The following POU2F1 variants were observed in gnomAD, a reference collection of about 807,000 sequenced individuals.
The protein encoded by POU2F1 is POU class 2 homeobox 1.
POU2F1 carries 16 observed loss-of-function variants against 84.9 expected under a neutral mutation model. That is an observed-to-expected ratio of 0.19 (90% CI 0.13 to 0.29). The LOEUF (loss-of-function observed/expected upper bound fraction) is 0.29. Ranked by LOEUF, POU2F1 falls within the 10% of genes least tolerant of loss-of-function variation. The pLI is 1.00. For missense variants in POU2F1, 738 were observed against 942.6 expected, an observed-to-expected ratio of 0.78 and a Z score of 2.84; for synonymous variants, 368 against 368.3, an observed-to-expected ratio of 1.00 and a Z score of 0.01.
At chr1:167,341,989 C>A (rs1557909037) in intron 2 of POU2F1, among the ~76,000 whole-genome samples, 2 of 152,176 alleles carry the variant, frequency 1.3e-5, no homozygotes, top group East Asian at 3.9e-4. Flanking sequence ...TTCAGACATT[C>A]CTTCTCTTCT....
intron 1 of POU2F1, among the ~76,000 whole-genome samples, chr1:167,299,713 T>TTTTTTTTTG: frequency 6.6e-6 from 1 of 152,174 alleles, no homozygotes; most frequent in African/African-American, 2.4e-5. Flanking sequence ...TTTTTCATTT[T>TTTTTTTTTG]ATTTTGCTGC....
chr1:167,325,542 A>G (rs1656639761), intron 1 of POU2F1, among the ~76,000 whole-genome samples: 1 of 152,168 alleles, frequency 6.6e-6, no homozygotes, highest in African/African-American at 2.4e-5. Context: ...CCTCAATTTC[A>G]TTTCTAATGA....
intron 2 of POU2F1, among the ~76,000 whole-genome samples, chr1:167,340,043 C>G: frequency 6.6e-6 from 1 of 152,168 alleles, no homozygotes; most frequent in East Asian, 1.9e-4. Context: ...GGTTCAGTCA[C>G]TTGATGAAGG....
At chr1:167,232,678 A>G (rs1482129816) in intron 1 of POU2F1, among the ~76,000 whole-genome samples, 2 of 152,112 alleles carry the variant, frequency 1.3e-5, no homozygotes, top group Admixed American at 6.6e-5. Flanking sequence ...CCCCATCTCT[A>G]CTAAAGATAC....
intron 1 of POU2F1, among the ~76,000 whole-genome samples, chr1:167,267,186 A>G (rs1045355184): frequency 1.3e-5 from 2 of 152,010 alleles, no homozygotes; most frequent in African/African-American, 4.8e-5. Context: ...AGAGCTATCA[A>G]ATATATTAAA....
chr1:167,229,414 A>G (rs2102336148), intron 1 of POU2F1, among the ~76,000 whole-genome samples: 1 of 152,256 alleles, frequency 6.6e-6, no homozygotes, highest in South Asian at 2.1e-4. Flanking sequence ...CCTTGTGAAA[A>G]TTGAAAATTT....
chr1:167,403,227 A>G (rs551063226), intron 13 of POU2F1, among the ~76,000 whole-genome samples: 2 of 152,316 alleles, frequency 1.3e-5, no homozygotes, highest in Admixed American at 6.5e-5. Context: ...AATCACAAGT[A>G]CCATTTTTAT....
intron 5 of POU2F1, 57 bp downstream of exon 5, chr1:167,372,093 G>A: frequency 6.4e-7 from 1 of 1,568,112 alleles, no homozygotes; most frequent in Non-Finnish European, 8.7e-7. Context: ...ACTGCCATTG[G>A]CCAATAGCTG....
chr1:167,383,615 A>C (rs1241602408), intron 7 of POU2F1: 1 of 326,068 alleles, frequency 3.1e-6, no homozygotes, highest in African/African-American at 2.2e-5. Flanking sequence ...TTGACCTATC[A>C]CAGAGCTTAT....
At chr1:167,249,425 G>T (rs1650565913) in intron 1 of POU2F1, among the ~76,000 whole-genome samples, 1 of 152,136 alleles carries the variant, frequency 6.6e-6, no homozygotes, top group Non-Finnish European at 1.5e-5. Flanking sequence ...CCTTCTTTTT[G>T]TTTTTCTAAT....
intron 7 of POU2F1, among the ~76,000 whole-genome samples, chr1:167,382,832 A>G (rs565758755): frequency 2.6e-5 from 4 of 152,322 alleles, no homozygotes; most frequent in Middle Eastern, 3.4e-3. Flanking sequence ...TGAAATAAAT[A>G]TTAGTATCTT....
intron 1 of POU2F1, among the ~76,000 whole-genome samples, chr1:167,266,934 C>T (rs1222075613): frequency 2.0e-5 from 3 of 152,030 alleles, no homozygotes; most frequent in Non-Finnish European, 2.9e-5. Flanking sequence ...TATTATTTCA[C>T]TTAGGAATTC....
At chr1:167,412,436 G>C (rs1650032472) in intron 14 of POU2F1, 132 bp downstream of exon 14, 1 of 811,058 alleles carries the variant, frequency 1.2e-6, no homozygotes, top group African/African-American at 1.8e-5. Context: ...TTTGAAGTGG[G>C]CTGTTTTGTG....
rs1309098897 is a variant in POU2F1, at chr1:167,412,036, C to G, written c.1633C>G (p.Pro545Ala). 20 of 1,614,086 alleles carry G rather than the reference C, an allele frequency of 1.2e-5. No homozygotes were observed. The highest frequency in any genetic ancestry group is 4.0e-5 in the African/African-American group (3 of 74,920). ...TCCAGCTTCCTCAGCAGTCACGTCC[C>G]CCTCTCTGAGTCCCTCCCCTTCTGC... ...APPASSAVTS[P>A]SLSPSPSASA... The change falls in exon 14 of 16, where the codon CCC (proline) becomes GCC (alanine). Residue 545 changes from proline (P) to alanine (A), a missense_variant. Pro to Ala is a conservative substitution (Grantham distance 27). Transcript: ENST00000367866.
chr1:167,287,740 A>T (rs1327382153), intron 1 of POU2F1, among the ~76,000 whole-genome samples: 2 of 152,212 alleles, frequency 1.3e-5, no homozygotes, highest in African/African-American at 4.8e-5. Context: ...TATCAGTTTA[A>T]ATACATACTG....
chr1:167,338,535 A>G (rs1657629199), intron 2 of POU2F1, among the ~76,000 whole-genome samples: 1 of 152,194 alleles, frequency 6.6e-6, no homozygotes. Context: ...TCAGGAATGA[A>G]GAAAATGGAA....
rs893465059 is a variant in POU2F1, at chr1:167,277,239, G to GT, written c.62-55225dup. Among the ~76,000 whole-genome samples, 18 of 151,790 alleles carry GT rather than the reference G, an allele frequency of 1.2e-4. No individual in the cohort carries two copies. The East Asian group carries it at 1.7e-3, about 15-fold the overall frequency. ...TACTTTGGGTTTTTTGTTTTGTTTT[G>GT]TTTTTTGTTTTTTAAGAGTTGGGAT... On this transcript the variant is annotated intron_variant, in intron 1 of 15. Coordinates refer to ENST00000367866, the MANE Select transcript of POU2F1 (RefSeq NM_002697.4).
At chr1:167,269,863 G>A (rs141256130) in intron 1 of POU2F1, among the ~76,000 whole-genome samples, 12 of 148,934 alleles carry the variant, frequency 8.1e-5, no homozygotes, top group Admixed American at 2.0e-4. Flanking sequence ...GCAGTGAGCC[G>A]AGATCCCGCC....
At chr1:167,357,865 G>T (rs367901968) in intron 2 of POU2F1, among the ~76,000 whole-genome samples, 9 of 142,996 alleles carry the variant, frequency 6.3e-5, no homozygotes, top group Non-Finnish European at 1.4e-4. Context: ...GTGCAATGGC[G>T]CTATCTCGGC....
Sources: allele counts gnomAD v4.1 joint callset (sites outside exome capture counted in the v4.1 genomes callset), GRCh38; gene constraint gnomAD v4.1.1; transcripts MANE v1.5; gene names NCBI Gene and HGNC (gene_info 2026-07-23, HGNC 2026-07-21).